Variants in SLC9A9 observed in about 807,000 individuals in gnomAD.
SLC9A9 encodes the protein solute carrier family 9 member A9.
In SLC9A9, 62 loss-of-function variants were observed where a neutral mutation model predicts 77.8. The observed-to-expected ratio is 0.80, with a 90% CI of 0.65 to 0.98. The LOEUF (loss-of-function observed/expected upper bound fraction) is 0.98. Among genes scored for constraint, SLC9A9 ranks in the 50% least tolerant of loss-of-function variants. The probability of loss-of-function intolerance (pLI) is 0.00; values close to 1 mark genes in which losing one functional copy is unlikely to be tolerated. For synonymous variants in SLC9A9, 320 were observed against 283.5 expected (o/e 1.13, Z -1.29); for missense variants, 775 against 774.9 (o/e 1.00, Z 0.00).
chr3:143,341,403 G>A (rs1050107083), intron 14 of SLC9A9, among the ~76,000 whole-genome samples: 2 of 152,154 alleles, frequency 1.3e-5, no homozygotes, highest in Admixed American at 6.5e-5. Flanking sequence ...ACAAGGGAGG[G>A]CAAGAGAGTC....
At chr3:143,481,418 G>A (rs1226978651) in intron 11 of SLC9A9, among the ~76,000 whole-genome samples, 1 of 152,194 alleles carries the variant, frequency 6.6e-6, no homozygotes, top group East Asian at 1.9e-4. Flanking sequence ...TGAGTGAATA[G>A]GGAGGAAGAC....
chr3:143,503,653 G>T, intron 9 of SLC9A9: 1 of 446,452 alleles, frequency 2.2e-6, no homozygotes, highest in South Asian at 1.6e-5. Context: ...AGGAGATGCA[G>T]GGATGATGTT....
chr3:143,353,829 A>G (rs571683361), intron 14 of SLC9A9, among the ~76,000 whole-genome samples: 22 of 152,282 alleles, frequency 1.4e-4, no homozygotes, highest in African/African-American at 5.1e-4. Context: ...ATATAATAGA[A>G]TAATTATTTT....
intron 1 of SLC9A9, among the ~76,000 whole-genome samples, chr3:143,840,746 T>C (rs1399341590): frequency 6.6e-6 from 1 of 152,098 alleles, no homozygotes; most frequent in Non-Finnish European, 1.5e-5. Context: ...CATGGGACAG[T>C]TGCATATCAA....
intron 8 of SLC9A9, among the ~76,000 whole-genome samples, chr3:143,563,255 C>T (rs2037116897): frequency 6.6e-6 from 1 of 152,130 alleles, no homozygotes; most frequent in African/African-American, 2.4e-5. Flanking sequence ...CCAGAGAGAT[C>T]AATTTTCAGA....
At chr3:143,391,296 T>C (rs1469128762) in intron 12 of SLC9A9, among the ~76,000 whole-genome samples, 4 of 152,208 alleles carry the variant, frequency 2.6e-5, no homozygotes, top group African/African-American at 4.8e-5. Flanking sequence ...TGTTCAGCAA[T>C]ATTTGCTGTT....
At chr3:143,439,265 G>C (rs796471096) in intron 12 of SLC9A9, among the ~76,000 whole-genome samples, 4 of 152,324 alleles carry the variant, frequency 2.6e-5, no homozygotes, top group African/African-American at 9.6e-5. Context: ...TGTGCAGAAA[G>C]GTGAAATAAC....
intron 11 of SLC9A9, among the ~76,000 whole-genome samples, chr3:143,481,533 G>C (rs1031478459): frequency 1.3e-5 from 2 of 152,196 alleles, no homozygotes; most frequent in African/African-American, 4.8e-5. Context: ...GCATCTAGGA[G>C]GGTCTAAAGC....
chr3:143,845,502 G>C (rs1318039159), intron 1 of SLC9A9, among the ~76,000 whole-genome samples: 1 of 152,194 alleles, frequency 6.6e-6, no homozygotes, highest in Admixed American at 6.5e-5. Context: ...CCCATATGGA[G>C]TACTTTCAGA....
intron 2 of SLC9A9, among the ~76,000 whole-genome samples, chr3:143,818,710 A>T (rs369100614): frequency 6.6e-6 from 1 of 152,052 alleles, no homozygotes; most frequent in African/African-American, 2.4e-5. Context: ...GAGTTTTTTC[A>T]CTTTTCAAAA....
At chr3:143,418,739 T>C (rs1341514232) in intron 12 of SLC9A9, among the ~76,000 whole-genome samples, 9 of 152,160 alleles carry the variant, frequency 5.9e-5, no homozygotes, top group Admixed American at 5.2e-4. Context: ...CTGAGCAATA[T>C]TGAGTGCCAA....
At chr3:143,726,315 A>AACTG (rs567105652) in intron 4 of SLC9A9, among the ~76,000 whole-genome samples, 42 of 152,110 alleles carry the variant, frequency 2.8e-4, no homozygotes, top group African/African-American at 9.4e-4. Flanking sequence ...AAGGGAAACT[A>AACTG]ACTGCAAATG....
intron 14 of SLC9A9, among the ~76,000 whole-genome samples, chr3:143,286,025 G>C (rs1578262591): frequency 6.6e-6 from 1 of 152,198 alleles, no homozygotes; most frequent in Non-Finnish European, 1.5e-5. Context: ...GGAAAGGCTG[G>C]AATATCAGGG....
Position 143,493,695 on chromosome 3 carries a change from G to C in SLC9A9, c.1273C>G (p.Gln425Glu). Residue 425 changes from glutamine (Q) to glutamate (E), a missense_variant, in exon 11 of 16, where the codon CAG becomes GAG. Transcript: ENST00000316549. Reference sequence around the variant, plus strand: ...TGCTGAAAGTTCCAGGGGATCTTCTGTTTTCGGCCTAGATTCAGGAGGAAG... The same window carrying C: ...TGCTGAAAGTTCCAGGGGATCTTCTCTTTTCGGCCTAGATTCAGGAGGAAG... ...LSFLLNLGRK[Q>E]KIPWNFQHMM... 1 of 1,614,110 alleles carries C rather than the reference G, an allele frequency of 6.2e-7. No individual in the cohort carries two copies. Among genetic ancestry groups the C allele is most frequent in the Non-Finnish European group, 8.5e-7 (1 of 1,179,978 alleles).
intron 8 of SLC9A9, among the ~76,000 whole-genome samples, chr3:143,573,221 CA>C (rs2037297532): frequency 6.6e-6 from 1 of 152,090 alleles, no homozygotes. Context: ...TATTAAAATG[CA>C]AACACCGAGG....
At chr3:143,518,105 A>G in intron 9 of SLC9A9, 1 of 1,591,230 alleles carries the variant, frequency 6.3e-7, no homozygotes, top group Non-Finnish European at 8.5e-7. Flanking sequence ...AGCAGGTGGT[A>G]CTTTACCTCC....
intron 14 of SLC9A9, among the ~76,000 whole-genome samples, chr3:143,275,657 T>C (rs1484251498): frequency 6.6e-6 from 1 of 152,210 alleles, no homozygotes; most frequent in Non-Finnish European, 1.5e-5. Flanking sequence ...ACTTTTTCTA[T>C]TTCTAGAGTT....
intron 4 of SLC9A9, among the ~76,000 whole-genome samples, chr3:143,767,681 T>C (rs59498340): frequency 0.015 from 2,327 of 152,308 alleles, 62 homozygotes; most frequent in African/African-American, 0.054. Flanking sequence ...GCAAGTGTGT[T>C]TGTCTATCCT....
chr3:143,480,157 G>T (rs2035549780), intron 11 of SLC9A9, among the ~76,000 whole-genome samples: 1 of 152,220 alleles, frequency 6.6e-6, no homozygotes, highest in Non-Finnish European at 1.5e-5. Context: ...CATCAAAACA[G>T]TAGTTCCCAT....
Sources: allele counts gnomAD v4.1 joint callset (sites outside exome capture counted in the v4.1 genomes callset), GRCh38; gene constraint gnomAD v4.1.1; transcripts MANE v1.5; gene names NCBI Gene and HGNC (gene_info 2026-07-23, HGNC 2026-07-21).